The following ANKFN1 variants were observed in gnomAD, a reference collection of about 807,000 sequenced individuals.
ANKFN1 encodes the protein ankyrin repeat and fibronectin type III domain containing 1.
Under a neutral mutation model 108.7 loss-of-function variants are expected in ANKFN1, and 74 were observed. The ratio of observed to expected loss-of-function variants is 0.68; its 90% confidence interval spans 0.56 to 0.83. ANKFN1 has a LOEUF of 0.83. Among genes scored for constraint, ANKFN1 ranks in the 40% least tolerant of loss-of-function variants. The pLI is 0.00. For missense variants in ANKFN1, 1,505 were observed against 1,382.3 expected (o/e 1.09, Z -1.41); for synonymous variants, 547 against 516.2 (o/e 1.06, Z -0.81).
intron 18 of ANKFN1, among the ~76,000 whole-genome samples, chr17:56,483,965 A>C (rs976803002): frequency 6.6e-6 from 1 of 152,228 alleles, no homozygotes; most frequent in Non-Finnish European, 1.5e-5. Flanking sequence ...TGGAAGTGTT[A>C]ATATTGAAAA....
At chr17:56,256,493 A>C (rs1209483430) in intron 3 of ANKFN1, among the ~76,000 whole-genome samples, 4 of 152,206 alleles carry the variant, frequency 2.6e-5, no homozygotes, top group Admixed American at 2.6e-4. Flanking sequence ...CAGAAGAAGA[A>C]GAGTCTCACA....
chr17:56,330,859 A>G (rs918966174), intron 4 of ANKFN1, among the ~76,000 whole-genome samples: 1 of 152,182 alleles, frequency 6.6e-6, no homozygotes, highest in South Asian at 2.1e-4. Context: ...GTATGCTTTC[A>G]TACTTCAAAA....
chr17:56,265,446 G>A (rs1297752837), intron 3 of ANKFN1, among the ~76,000 whole-genome samples: 1 of 152,156 alleles, frequency 6.6e-6, no homozygotes, highest in African/African-American at 2.4e-5. Flanking sequence ...TTCCCACCAG[G>A]TCCCTCCCTT....
chr17:56,363,462 C>G (rs1013995308), intron 6 of ANKFN1, among the ~76,000 whole-genome samples: 4 of 152,160 alleles, frequency 2.6e-5, no homozygotes, highest in Non-Finnish European at 5.9e-5. Flanking sequence ...AACGCTTGTA[C>G]ACTGTTAGTG....
At chr17:56,060,564 G>A (rs1225193157) in intron 4 of ANKFN1, among the ~76,000 whole-genome samples, 1 of 152,042 alleles carries the variant, frequency 6.6e-6, no homozygotes, top group Non-Finnish European at 1.5e-5. Flanking sequence ...AGTGGCTGTG[G>A]GTTTGTCATA....
chr17:56,470,540 C>T (rs902129350), intron 15 of ANKFN1, among the ~76,000 whole-genome samples: 1 of 152,156 alleles, frequency 6.6e-6, no homozygotes, highest in African/African-American at 2.4e-5. Context: ...ACACCCAGTC[C>T]ACAGAGACCT....
At chr17:56,151,680 T>A (rs577784482), upstream of ANKFN1, among the ~76,000 whole-genome samples, 7 of 152,302 alleles carry the variant, frequency 4.6e-5, no homozygotes, top group East Asian at 1.2e-3. Context: ...ATAGCCACAA[T>A]CTGACCAACA....
intron 8 of ANKFN1, among the ~76,000 whole-genome samples, chr17:56,391,868 C>G (rs1300404350): frequency 6.6e-6 from 1 of 152,120 alleles, no homozygotes; most frequent in Admixed American, 6.5e-5. Context: ...TTCCTGTATT[C>G]CTAGCATAGG....
rs142487943 is a variant in ANKFN1, at chr17:56,075,678, A to G, written c.288+29353A>G. 6.1e-4 allele frequency among the ~76,000 whole-genome samples: 93 copies of G among 152,292 alleles called. 2 individuals carry two copies. Among genetic ancestry groups the G allele is most frequent in the Middle Eastern group, 6.8e-3 (2 of 294 alleles). ...AGCAAAACCTGATCAAAGGCCTATT[A>G]GTCACAAGGCAGGCTTTGCAAAGGG... On this transcript the variant is annotated intron_variant, in intron 4 of 12. Coordinates refer to the ANKFN1 transcript ENST00000635860.
chr17:56,454,795 A>T (rs994035306), intron 11 of ANKFN1, among the ~76,000 whole-genome samples: 6 of 152,182 alleles, frequency 3.9e-5, no homozygotes, highest in African/African-American at 1.4e-4. Flanking sequence ...AAATCTGCCC[A>T]TTTGGGGTAC....
At chr17:56,398,045 C>A (rs1380264229) in intron 8 of ANKFN1, among the ~76,000 whole-genome samples, 1 of 152,126 alleles carries the variant, frequency 6.6e-6, no homozygotes, top group East Asian at 1.9e-4. Flanking sequence ...CTGTTGTATT[C>A]TTTCAGGGGA....
At chr17:56,236,399 T>C (rs1467919094) in intron 3 of ANKFN1, among the ~76,000 whole-genome samples, 2 of 152,168 alleles carry the variant, frequency 1.3e-5, no homozygotes, top group African/African-American at 2.4e-5. Flanking sequence ...ATTGTAGATA[T>C]CTTTCACCTC....
In ANKFN1 at chr17:56,220,826, GGA is replaced by G. The variant is rs1567845993; in HGVS notation, c.13-7090_13-7089del. On this transcript the variant is annotated intron_variant, in intron 2 of 20. Transcript: ENST00000682825. The stretch of plus-strand genomic sequence containing the variant: ...AGGGAGGGAGGAAGGAAGGAAGGAA[GGA>G]AGGGAGGAAGGGAGGGAGGGAGGAA... Among the ~76,000 whole-genome samples, 141 of 52,022 alleles carry G rather than the reference GGA, an allele frequency of 2.7e-3. 1 individual carries two copies. The highest frequency in any genetic ancestry group is 0.013 in the East Asian group (10 of 800). The allele number at this position is 52,022 out of a possible 152,430, so 34.1% of individuals were successfully genotyped here. A position where few individuals can be genotyped will look rare whatever the true frequency, so the allele number is the denominator to read the frequency against.
chr17:56,408,335 C>A (rs922058618), intron 8 of ANKFN1, among the ~76,000 whole-genome samples: 2 of 152,128 alleles, frequency 1.3e-5, no homozygotes, highest in Non-Finnish European at 2.9e-5. Flanking sequence ...TTTTATCTTC[C>A]TATGTGAGTG....
At chr17:56,267,438 T>G (rs1414883130) in intron 3 of ANKFN1, among the ~76,000 whole-genome samples, 1 of 152,244 alleles carries the variant, frequency 6.6e-6, no homozygotes, top group African/African-American at 2.4e-5. Flanking sequence ...TCGTCAATTT[T>G]AGTTTTTGTT....
intron 14 of ANKFN1, chr17:56,462,262 A>G (rs905382211): frequency 2.6e-5 from 4 of 152,208 alleles, no homozygotes; most frequent in Non-Finnish European, 5.9e-5. Context: ...GAGGATTGAC[A>G]CATAGTTAAT....
At chr17:56,181,093 T>C (rs1338939279) in intron 1 of ANKFN1, among the ~76,000 whole-genome samples, 1 of 152,224 alleles carries the variant, frequency 6.6e-6, no homozygotes, top group Non-Finnish European at 1.5e-5. Flanking sequence ...AGTTGGCTGT[T>C]TGAGTCTAGG....
intron 4 of ANKFN1, among the ~76,000 whole-genome samples, chr17:56,062,236 G>A (rs1904986842): frequency 1.3e-5 from 2 of 152,146 alleles, no homozygotes; most frequent in Admixed American, 6.5e-5. Flanking sequence ...TTCCGTAGAT[G>A]TCCATTAGGT....
intron 4 of ANKFN1, among the ~76,000 whole-genome samples, chr17:56,064,598 G>C (rs1598086494): frequency 6.6e-6 from 1 of 152,228 alleles, no homozygotes. Context: ...CAGGGGAAAA[G>C]CACAGCCTGG....
Sources: gnomAD v4.1 joint callset for allele counts (sites outside exome capture counted in the v4.1 genomes callset) on GRCh38, gnomAD v4.1.1 for gene constraint, MANE v1.5 for transcripts, NCBI Gene and HGNC (gene_info 2026-07-23, HGNC 2026-07-21) for gene names.